MACF1: variants seen among roughly 807,000 people sequenced by gnomAD.
MACF1 encodes the protein microtubule actin crosslinking factor 1, also known as microtubule-actin cross-linking factor 1.
A neutral mutation model predicts 854.8 loss-of-function variants in MACF1; 193 were observed. The observed-to-expected ratio is 0.23, with a 90% CI of 0.20 to 0.25. The LOEUF is 0.25. MACF1 is among the 10% of genes least tolerant of loss of function. MACF1 has a pLI of 1.00. For missense variants in MACF1, 7,722 were observed against 8,929.1 expected (o/e 0.86, Z 5.45); for synonymous variants, 3,185 against 3,226.7 (o/e 0.99, Z 0.44).
At chr1:39,139,105 C>T (rs1643258903) in intron 2 of MACF1, among the ~76,000 whole-genome samples, 1 of 152,114 alleles carries the variant, frequency 6.6e-6, no homozygotes, top group South Asian at 2.1e-4. Context: ...TCTTAATCAC[C>T]CTATGAAAAT....
intron 1 of MACF1, among the ~76,000 whole-genome samples, chr1:39,211,289 A>T (rs949878934): frequency 6.6e-6 from 1 of 152,146 alleles, no homozygotes; most frequent in African/African-American, 2.4e-5. Context: ...CTTAGAACAC[A>T]TTCTGCATGT....
chr1:39,434,704 T>C (rs1643934195), intron 69 of MACF1, 72 bp downstream of exon 69: 4 of 1,353,582 alleles, frequency 3.0e-6, no homozygotes, highest in Middle Eastern at 2.2e-4. Context: ...ACAACATTTG[T>C]TAGTGTCTAT....
At chr1:39,295,677 T>C in intron 19 of MACF1, 110 bp from the exon 20 acceptor site, 1 of 729,198 alleles carries the variant, frequency 1.4e-6, no homozygotes, top group South Asian at 1.9e-5. Flanking sequence ...CCACATCTTT[T>C]CTGTTGGCTT....
Position 39,322,652 on chromosome 1 carries a change from G to A in MACF1, c.4074G>A (p.Ser1358=), listed in dbSNP as rs756249341. The A allele has an allele frequency of 2.5e-6, 4 of 1,613,986 alleles. No individual in the cohort carries two copies. The highest frequency in any genetic ancestry group is 2.7e-5 in the African/African-American group (2 of 74,904). ...QLMTYKAFVE[S]QQKSPGKRRR... ...TGACATACAAGGCCTTTGTGGAATCGCAGCAGAAATCCCCTGGCAAGCGCC... is the reference window on the plus strand; with the variant it reads ...TGACATACAAGGCCTTTGTGGAATCACAGCAGAAATCCCCTGGCAAGCGCC... Residue 1358 remains serine, a synonymous_variant, in exon 32 of 101, where the codon TCG becomes TCA. Transcript: ENST00000564288.
intron 53 of MACF1, among the ~76,000 whole-genome samples, chr1:39,378,804 A>G (rs568080179): frequency 6.6e-6 from 1 of 152,370 alleles, no homozygotes; most frequent in African/African-American, 2.4e-5. Context: ...TTTGAATTAT[A>G]AAGAAGTTAT....
At chr1:39,109,786 A>G (rs1023359645) in intron 2 of MACF1, among the ~76,000 whole-genome samples, 6 of 152,204 alleles carry the variant, frequency 3.9e-5, no homozygotes, top group African/African-American at 9.6e-5. Flanking sequence ...AAGGTTTCAC[A>G]TTGTATCACA....
rs1647161746 is a variant in MACF1, at chr1:39,350,794, G to T, written c.10975G>T (p.Asp3659Tyr). Residue 3659 changes from aspartate (D) to tyrosine (Y), a missense_variant, in exon 43 of 101, where the codon GAT (aspartate) becomes TAT (tyrosine). Asp to Tyr is a radical substitution (Grantham distance 160, BLOSUM62 -3). Coordinates refer to ENST00000564288, the MANE Select transcript of MACF1 (RefSeq NM_001394062.1). ...KNQSDLKDLQ[D>Y]DIQNRATSFA... ...ATTTTCTTGTGTTAAGGATTTACAG[G>T]ATGACATTCAGAATCGTGCCACCTC... The T allele has an allele frequency of 6.2e-7, 1 of 1,613,252 alleles. No individual in the cohort carries two copies. The highest frequency in any genetic ancestry group is 8.5e-7 in the Non-Finnish European group (1 of 1,179,448).
chr1:39,324,671 A>G lies in MACF1; in HGVS notation c.4415A>G (p.Lys1472Arg). 6.2e-7 allele frequency: 1 copy of G among 1,613,538 alleles called. No individual in the cohort carries two copies. The highest frequency in any genetic ancestry group is 1.1e-5 in the South Asian group (1 of 90,990). ...QQVLSEELTTKKEQVSEAIKT... is the reference protein window; with the variant it reads ...QQVLSEELTTRKEQVSEAIKT... The stretch of plus-strand genomic sequence containing the variant: ...GTTCTGTCAGAAGAGCTGACAACAA[A>G]GAAAGAACAAGTCTCTGAAGCTATT... The change falls in exon 35 of 101, where the codon AAG (lysine) becomes AGG (arginine). Residue 1472 changes from lysine to arginine, a missense_variant. Transcript: ENST00000564288.
chr1:39,480,959 T>C lies in MACF1; in HGVS notation c.22210T>C (p.Leu7404=). 1 of 1,551,042 alleles carries C rather than the reference T, an allele frequency of 6.4e-7. No individual in the cohort carries two copies. The highest frequency in any genetic ancestry group is 2.4e-5 in the East Asian group (1 of 40,916). The change falls in exon 99 of 101, where the codon TTG becomes CTG. Residue 7404 remains leucine (L), a synonymous_variant. Transcript: ENST00000564288. ...CTCTCGCTGTTATGACAAACCCTGG[T>C]TGGTAAACAGTAAAGCTGGCACCCC... ...QFSRCYDKPW[L]VNSKAGTPIR...
At chr1:39,426,922 T>C (rs987439360) in intron 61 of MACF1, among the ~76,000 whole-genome samples, 2 of 151,912 alleles carry the variant, frequency 1.3e-5, no homozygotes, top group African/African-American at 4.8e-5. Flanking sequence ...TTTTGGGGAG[T>C]TGGGGAGGGA....
chr1:39,316,311 C>A, intron 27 of MACF1, 80 bp from the exon 28 acceptor site: 2 of 1,136,080 alleles, frequency 1.8e-6, no homozygotes, highest in Non-Finnish European at 2.4e-6. Context: ...TTTTATGAAC[C>A]TCTCTATAGC....
chr1:39,159,166 A>G (rs923155740), intron 2 of MACF1, among the ~76,000 whole-genome samples: 1 of 152,206 alleles, frequency 6.6e-6, no homozygotes, highest in Non-Finnish European at 1.5e-5. Flanking sequence ...AACAGAAGGG[A>G]TAGAGTTTGT....
intron 49 of MACF1, among the ~76,000 whole-genome samples, chr1:39,367,518 TA>T (rs1648832620): frequency 6.6e-6 from 1 of 152,100 alleles, no homozygotes; most frequent in East Asian, 1.9e-4. Flanking sequence ...AGTATAATGT[TA>T]AATAATAGTG....
chr1:39,365,647 T>G (rs995112111), intron 49 of MACF1, among the ~76,000 whole-genome samples: 2 of 152,158 alleles, frequency 1.3e-5, no homozygotes, highest in African/African-American at 4.8e-5. Context: ...AATTTTTATA[T>G]GTCTTTGAGT....
intron 1 of MACF1, among the ~76,000 whole-genome samples, chr1:39,223,873 T>G (rs937392108): frequency 1.2e-4 from 19 of 152,134 alleles, no homozygotes; most frequent in Non-Finnish European, 1.5e-5. Context: ...GGATTTTAAG[T>G]TACAAGATTA....
In MACF1 at chr1:39,345,400, G is replaced by A. The variant is rs114700806; in HGVS notation, c.10582-1577G>A. Among the ~76,000 whole-genome samples, 577 of 151,908 alleles carry A rather than the reference G, an allele frequency of 3.8e-3. 1 individual carries two copies. Among genetic ancestry groups the A allele is most frequent in the African/African-American group, 0.012 (515 of 41,442 alleles). On this transcript the variant is annotated intron_variant, in intron 40 of 100. Coordinates refer to ENST00000564288, the MANE Select transcript of MACF1 (RefSeq NM_001394062.1). ...CTAAGTGGAAGGATCACTTAAGCCC[G>A]GGAGTTTGAGACCAGCCTGGGCAAT...
chr1:39,389,890 C>T (rs1310135024), intron 58 of MACF1, among the ~76,000 whole-genome samples: 2 of 152,198 alleles, frequency 1.3e-5, no homozygotes, highest in Non-Finnish European at 2.9e-5. Flanking sequence ...CTCAAGAGTA[C>T]AAGTTCTTTG....
In MACF1 at chr1:39,333,248, T is replaced by C. The variant is rs748427750; in HGVS notation, c.6660T>C (p.Asn2220=). ...AACTAAAGTCTGAAACTGATGGGAA[T>C]GTTCATCCTCTGGACAAAAAGGAAA... ...KLELKSETDG[N]VHPLDKKEML... is the part of the protein sequence containing the mutation. The change falls in exon 37 of 101, where the codon AAT becomes AAC. Residue 2220 remains asparagine, a synonymous_variant. Coordinates refer to ENST00000564288, the MANE Select transcript of MACF1 (RefSeq NM_001394062.1). The C allele has an allele frequency of 6.2e-7, 1 of 1,613,716 alleles. No homozygotes were observed. Among genetic ancestry groups the C allele is most frequent in the Non-Finnish European group, 8.5e-7 (1 of 1,179,950 alleles).
intron 2 of MACF1, among the ~76,000 whole-genome samples, chr1:39,093,980 C>T (rs1032598159): frequency 2.0e-5 from 3 of 151,434 alleles, no homozygotes; most frequent in Non-Finnish European, 2.9e-5. Context: ...GGTTTCACCG[C>T]GTTGGCCAGG....
Sources: allele counts gnomAD v4.1 joint callset (sites outside exome capture counted in the v4.1 genomes callset), GRCh38; gene constraint gnomAD v4.1.1; transcripts MANE v1.5; gene names NCBI Gene and HGNC (gene_info 2026-07-23, HGNC 2026-07-21).